AMZ1: variants seen among roughly 807,000 people sequenced by gnomAD.
The protein encoded by AMZ1 is archaelysin family metallopeptidase 1, also known as archaemetzincin-1.
Under a neutral mutation model 29.9 loss-of-function variants are expected in AMZ1, and 39 were observed. The observed-to-expected ratio is 1.30, with a 90% CI of 1.01 to 1.70. The LOEUF is 1.70. Among genes scored for constraint, AMZ1 ranks in the 40% most tolerant of loss-of-function variants. The probability of loss-of-function intolerance (pLI) is 0.00; values close to 1 mark genes in which losing one functional copy is unlikely to be tolerated. For synonymous variants in AMZ1, 458 were observed against 304.0 expected (o/e 1.51, Z -5.27); for missense variants, 1,041 against 680.6 (o/e 1.53, Z -5.89).
At chr7:2,735,798 A>G (rs1176009079) in intron 4 of AMZ1, among the ~76,000 whole-genome samples, 2 of 152,150 alleles carry the variant, frequency 1.3e-5, no homozygotes, top group East Asian at 1.9e-4. Context: ...GGGCGGCCTC[A>G]TCTCGAGAAA....
chr7:2,763,014 G>A (rs1163784662), upstream of AMZ1: 8 of 1,276,908 alleles, frequency 6.3e-6, no homozygotes, highest in African/African-American at 1.5e-5. Context: ...CAACAGCCCC[G>A]CCGGCCACTG....
Position 2,731,649 on chromosome 7 carries a change from C to G in AMZ1, n.550+21833C>G. The G allele has an allele frequency of 6.2e-7, 1 of 1,613,666 alleles. No homozygotes were observed. Among genetic ancestry groups the G allele is most frequent in the Non-Finnish European group, 8.5e-7 (1 of 1,179,882 alleles). Reference sequence around the variant, plus strand: ...GCTGGGACCGCTGGCCGCCCACATCCACCATCTTAAAGGGGATCTTCTTAA... The same window carrying G: ...GCTGGGACCGCTGGCCGCCCACATCGACCATCTTAAAGGGGATCTTCTTAA... On this transcript the variant is annotated intron_variant and non_coding_transcript_variant, in intron 4 of 4. Coordinates refer to the AMZ1 transcript ENST00000489665. The surrounding 1 kb of genome is among the most constrained non-coding windows in gnomAD (Gnocchi z 6.0).
chr7:2,744,425 C>G (rs1370769640), intron 4 of AMZ1, among the ~76,000 whole-genome samples: 1 of 152,208 alleles, frequency 6.6e-6, no homozygotes, highest in Admixed American at 6.5e-5. Context: ...GAGTGGACCT[C>G]TAGCAAACTC....
chr7:2,761,415 G>A (rs973144948), upstream of AMZ1, among the ~76,000 whole-genome samples: 1 of 152,232 alleles, frequency 6.6e-6, no homozygotes, highest in Non-Finnish European at 1.5e-5. Context: ...TCCCAAGGAC[G>A]GCTGACTTCA....
intron 4 of AMZ1, among the ~76,000 whole-genome samples, chr7:2,741,220 G>A (rs576265341): frequency 1.3e-5 from 2 of 152,114 alleles, no homozygotes; most frequent in Non-Finnish European, 2.9e-5. Context: ...AGGTGTGGCG[G>A]CACGCACACC....
At chr7:2,712,285 A>T in intron 6 of AMZ1, 45 bp from the exon 7 acceptor site, 1 of 1,501,256 alleles carries the variant, frequency 6.7e-7, no homozygotes. Context: ...CTGGCTAGAC[A>T]AGGGCTGGCA....
chr7:2,718,742 TGTG>T lies in AMZ1; in HGVS notation c.*5867_*5869del, dbSNP rs1204468986. On this transcript the variant is annotated 3_prime_UTR_variant, in exon 7 of 7. Transcript: ENST00000683327. ...GGGCTTGTGCAGCCGGGCTTGGTCT[TGTG>T]GTCAGGGAGAAGCGGGCAGGCCAGG... Among the ~76,000 whole-genome samples, 13 of 152,198 alleles carry T rather than the reference TGTG, an allele frequency of 8.5e-5. No homozygotes were observed.
rs1377431345 is a variant in AMZ1, at chr7:2,718,131, T to TCC, written c.*5255_*5256dup. 2.0e-5 allele frequency among the ~76,000 whole-genome samples: 3 copies of TCC among 152,164 alleles called. No homozygotes were observed. Among genetic ancestry groups the TCC allele is most frequent in the African/African-American group, 7.2e-5 (3 of 41,418 alleles). ...CCTACCAGATTCCACCACTGAGGCC[T>TCC]CCCTCGATGCCTGCTCCCTGGGCTT... On this transcript the variant is annotated 3_prime_UTR_variant, in exon 7 of 7. Coordinates refer to ENST00000683327, the MANE Select transcript of AMZ1 (RefSeq NM_001384743.1).
chr7:2,748,130 G>A (rs1022491101), intron 4 of AMZ1, among the ~76,000 whole-genome samples: 3 of 150,864 alleles, frequency 2.0e-5, no homozygotes, highest in African/African-American at 4.9e-5. Flanking sequence ...AGCTACCAAT[G>A]ACTTTCTTCA....
intron 1 of AMZ1, among the ~76,000 whole-genome samples, chr7:2,689,376 G>GGGT (rs369002933): frequency 6.6e-6 from 1 of 152,094 alleles, no homozygotes. Context: ...TCCCTGGGGG[G>GGGT]GGGATGCGGA....
At chr7:2,696,889 CAAAAAA>C (rs1787780054) in intron 1 of AMZ1, among the ~76,000 whole-genome samples, 1 of 151,610 alleles carries the variant, frequency 6.6e-6, no homozygotes, top group African/African-American at 2.4e-5. Context: ...GTCTCAAAAA[CAAAAAA>C]CAAAAACAAA....
intron 1 of AMZ1, among the ~76,000 whole-genome samples, chr7:2,693,547 T>TTTTTG (rs1034822008): frequency 2.6e-5 from 4 of 151,814 alleles, no homozygotes; most frequent in African/African-American, 4.8e-5. Flanking sequence ...ACCCAGCTAA[T>TTTTTG]TTTTGTTTTG....
intron 4 of AMZ1, among the ~76,000 whole-genome samples, chr7:2,742,935 C>A (rs1331065639): frequency 6.6e-6 from 1 of 152,204 alleles, no homozygotes; most frequent in Non-Finnish European, 1.5e-5. Context: ...CCTGTAGGTT[C>A]TTCTCAATTT....
intron 6 of AMZ1, among the ~76,000 whole-genome samples, chr7:2,711,251 G>C (rs1303226226): frequency 1.3e-5 from 2 of 152,214 alleles, no homozygotes; most frequent in African/African-American, 2.4e-5. Context: ...GAGGTCACCT[G>C]CTGTCCCAGG....
At chr7:2,736,793 C>T (rs773014982) in intron 4 of AMZ1, among the ~76,000 whole-genome samples, 10 of 152,262 alleles carry the variant, frequency 6.6e-5, no homozygotes, top group Non-Finnish European at 8.8e-5. Context: ...GCAGGCACTG[C>T]AGCAGCCTCG....
Position 2,718,617 on chromosome 7 carries a change from C to A in AMZ1, c.*5739C>A, listed in dbSNP as rs1195240342. ...TGGGGTCCAGTCTGAAGCCGACGCCCCTCTCGGTCAGGCTTTCAGCAGCAG... is the reference window on the plus strand; with the variant it reads ...TGGGGTCCAGTCTGAAGCCGACGCCACTCTCGGTCAGGCTTTCAGCAGCAG... On this transcript the variant is annotated 3_prime_UTR_variant, in exon 7 of 7. Transcript: ENST00000683327. Among the ~76,000 whole-genome samples, 1 of 152,250 alleles carries A rather than the reference C, an allele frequency of 6.6e-6. No individual in the cohort carries two copies. Among genetic ancestry groups the A allele is most frequent in the Non-Finnish European group, 1.5e-5 (1 of 68,048 alleles).
intron 1 of AMZ1, among the ~76,000 whole-genome samples, chr7:2,689,075 C>T (rs1225820003): frequency 2.0e-5 from 3 of 152,196 alleles, no homozygotes; most frequent in African/African-American, 4.8e-5. Flanking sequence ...TCCCTCCTAG[C>T]GAATGGAAAC....
intron 4 of AMZ1, among the ~76,000 whole-genome samples, chr7:2,742,479 C>T: frequency 6.6e-6 from 1 of 152,302 alleles, no homozygotes; most frequent in East Asian, 1.9e-4. Context: ...AGCCCTGCTC[C>T]TGTTTATCTC....
chr7:2,754,502 G>A (rs1791196002), intron 4 of AMZ1, among the ~76,000 whole-genome samples: 1 of 151,966 alleles, frequency 6.6e-6, no homozygotes, highest in African/African-American at 2.4e-5. Flanking sequence ...CAGCACTTTG[G>A]GAGGCCAGGG....
Sources: allele counts gnomAD v4.1 joint callset (sites outside exome capture counted in the v4.1 genomes callset), GRCh38; gene constraint gnomAD v4.1.1; non-coding constraint Gnocchi (gnomAD v3.1); transcripts MANE v1.5; gene names NCBI Gene and HGNC (gene_info 2026-07-23, HGNC 2026-07-21).